TRIM46: variants seen among roughly 807,000 people sequenced by gnomAD.
The protein encoded by TRIM46 is tripartite motif containing 46.
In TRIM46, 17 loss-of-function variants were observed where a neutral mutation model predicts 69.7. The observed-to-expected ratio is 0.24, with a 90% CI of 0.17 to 0.37. The LOEUF (loss-of-function observed/expected upper bound fraction) is 0.37. Ranked by LOEUF, TRIM46 falls within the 10% of genes least tolerant of loss-of-function variation. The pLI is 1.00. For missense variants in TRIM46, 675 were observed against 1,025.1 expected, an observed-to-expected ratio of 0.66 and a Z score of 4.66; for synonymous variants, 391 against 429.0, an observed-to-expected ratio of 0.91 and a Z score of 1.09.
chr1:155,181,725 C>G lies in TRIM46; in HGVS notation c.1589-127C>G. 1 of 1,020,644 alleles carries G rather than the reference C, an allele frequency of 9.8e-7. No homozygotes were observed. Among genetic ancestry groups the G allele is most frequent in the South Asian group, 1.6e-5 (1 of 64,374 alleles). 63.2% of individuals were successfully genotyped at this position (1,020,644 alleles called of 1,614,324 possible). On this transcript the variant is annotated intron_variant, in intron 8 of 9. Transcript: ENST00000334634. The surrounding 1 kb of genome is among the most constrained non-coding windows in gnomAD (Gnocchi z 4.3). The stretch of plus-strand genomic sequence containing the variant: ...GTTTCCCATGTCCTGTTCTCCTGAA[C>G]CCCCTGCCTGTTCCTGGTGACTGAA...
At position 155,178,177 on chromosome 1, in the gene TRIM46, T is replaced by C; in HGVS notation, c.1085T>C (p.Leu362Pro). 6.2e-7 allele frequency: 1 copy of C among 1,614,040 alleles called. No individual in the cohort carries two copies. The stretch of plus-strand genomic sequence containing the variant: ...CGGAGCCTGCTGGATGGCTCAGGTC[T>C]GGTGGGCTATGCCCAGGAAGTACTT... ...EHRSLLDGSG[L>P]VGYAQEVLKE... The change falls in exon 6 of 10, where the codon CTG (leucine) becomes CCG (proline). Residue 362 changes from leucine (L) to proline (P), a missense_variant. Around this residue, in one of 5 missense-constraint regions of TRIM46, gnomAD observed 361 missense variants for 498.3 expected, o/e 0.72. Coordinates refer to ENST00000334634, the MANE Select transcript of TRIM46 (RefSeq NM_025058.5).
intron 4 of TRIM46, 26 bp downstream of exon 4, chr1:155,177,101 A>G (rs1280385744): frequency 1.9e-6 from 3 of 1,612,796 alleles, no homozygotes; most frequent in Non-Finnish European, 2.5e-6. Flanking sequence ...ATCCAACCCT[A>G]GTGCTAACTC....
chr1:155,178,092 G>T lies in TRIM46; in HGVS notation c.1000G>T (p.Ala334Ser). Residue 334 changes from alanine (A) to serine (S), a missense_variant, in exon 6 of 10, where the codon GCC becomes TCC. Ala to Ser is a moderately conservative substitution (Grantham distance 99). Around this residue, in one of 5 missense-constraint regions of TRIM46, gnomAD observed 361 missense variants for 498.3 expected, o/e 0.72. Coordinates refer to ENST00000334634, the MANE Select transcript of TRIM46 (RefSeq NM_025058.5). Reference protein sequence around the residue: ...LEEKRASLLQAIEECQQERLA... With the variant: ...LEEKRASLLQSIEECQQERLA... ...GGAGAAGCGGGCATCACTGCTTCAG[G>T]CCATTGAAGAATGCCAGCAGGAGCG... is the stretch of plus-strand genomic sequence containing the variant. The T allele has an allele frequency of 6.2e-7, 1 of 1,614,144 alleles. No individual in the cohort carries two copies. The highest frequency in any genetic ancestry group is 1.7e-4 in the Middle Eastern group (1 of 6,030).
At position 155,181,799 on chromosome 1, in the gene TRIM46, C is replaced by T. The variant is rs1352677763; in HGVS notation, c.1589-53C>T. ...TCTGCAGTCTCACAGCCCCCAGTGC[C>T]AGTGTTTGTCCCTGAAGTTCTTGCT... On this transcript the variant is annotated intron_variant, in intron 8 of 9. Transcript: ENST00000334634. The surrounding 1 kb of genome is among the most constrained non-coding windows in gnomAD (Gnocchi z 4.3). The T allele has an allele frequency of 6.4e-7, 1 of 1,562,894 alleles. No individual in the cohort carries two copies. The highest frequency in any genetic ancestry group is 2.3e-5 in the East Asian group (1 of 44,282).
rs753022255 is a variant in TRIM46, at chr1:155,184,134, G to C, written c.2224G>C (p.Val742Leu). The change falls in exon 10 of 10, where the codon GTG becomes CTG. Residue 742 changes from valine to leucine, a missense_variant. Val to Leu is a conservative substitution (Grantham distance 32). Around this residue, in one of 5 missense-constraint regions of TRIM46, gnomAD observed 108 missense variants for 153.0 expected, o/e 0.71. Transcript: ENST00000334634. This position sits in a 1 kb window ranked among gnomAD's most constrained non-coding sequence, Gnocchi z 5.6. ...TGGCGCAGTACAGCTCCAGGAGCCAGTGGGCACTAAGCCTGAGAGGAAAGT... is the reference window on the plus strand; with the variant it reads ...TGGCGCAGTACAGCTCCAGGAGCCACTGGGCACTAAGCCTGAGAGGAAAGT... ...GGGAVQLQEP[V>L]GTKPERKVTI... is the part of the protein sequence containing the mutation. 3 of 1,613,714 alleles carry C rather than the reference G, an allele frequency of 1.9e-6. No homozygotes were observed. The African/African-American group carries it at 4.0e-5, about 22-fold the overall frequency.
rs1557810888 is a variant in TRIM46, at chr1:155,177,186, C to T, written c.814-9C>T. 6.2e-7 allele frequency: 1 copy of T among 1,614,134 alleles called. No individual in the cohort carries two copies. The highest frequency in any genetic ancestry group is 1.1e-5 in the South Asian group (1 of 91,074). ...TGGGCTTGATGCCCACCTCTTTCTTCCCCCTCAGGACAAGCTGACAAAGAG... is the reference window on the plus strand; with the variant it reads ...TGGGCTTGATGCCCACCTCTTTCTTTCCCCTCAGGACAAGCTGACAAAGAG... On this transcript the variant is annotated splice_polypyrimidine_tract_variant and intron_variant, in intron 4 of 9. Coordinates refer to ENST00000334634, the MANE Select transcript of TRIM46 (RefSeq NM_025058.5).
At position 155,176,962 on chromosome 1, in the gene TRIM46, G is replaced by A. The variant is rs199568891; in HGVS notation, c.700G>A (p.Val234Met). Residue 234 changes from valine (V) to methionine (M), a missense_variant, in exon 4 of 10, where the codon GTG (valine) becomes ATG (methionine). Val to Met is a conservative substitution (Grantham distance 21). This residue lies in a region of TRIM46 where 361 missense variants were observed against 498.3 expected (regional missense o/e 0.72). Coordinates refer to ENST00000334634, the MANE Select transcript of TRIM46 (RefSeq NM_025058.5). ...GLMCPDHKEE[V>M]THYCKTCQRL... ...TATGTGCCCAGACCACAAGGAAGAG[G>A]TGACCCACTACTGCAAGACATGCCA... is the stretch of plus-strand genomic sequence containing the variant. 4.6e-5 allele frequency: 74 copies of A among 1,614,206 alleles called. No individual in the cohort carries two copies. The highest frequency in any genetic ancestry group is 5.9e-5 in the Non-Finnish European group (70 of 1,180,024).
intron 7 of TRIM46, among the ~76,000 whole-genome samples, chr1:155,179,295 C>G (rs1327775058): frequency 6.6e-6 from 1 of 152,166 alleles, no homozygotes; most frequent in Non-Finnish European, 1.5e-5. Context: ...TGCAAGGGCC[C>G]CCAGAACTTA....
rs778420607 is a variant in TRIM46, at chr1:155,184,154, G to A, written c.2244G>A (p.Arg748=). 8.1e-6 allele frequency: 13 copies of A among 1,613,274 alleles called. No homozygotes were observed. The highest frequency in any genetic ancestry group is 1.1e-5 in the Non-Finnish European group (13 of 1,179,802). Residue 748 remains arginine, a synonymous_variant, in exon 10 of 10, where the codon AGG becomes AGA. Coordinates refer to ENST00000334634, the MANE Select transcript of TRIM46 (RefSeq NM_025058.5). The surrounding 1 kb of genome is among the most constrained non-coding windows in gnomAD (Gnocchi z 5.6). ...AGCCAGTGGGCACTAAGCCTGAGAG[G>A]AAAGTCACCATTGGGGGCTTCGCCA... The part of the protein sequence containing the change: ...LQEPVGTKPE[R]KVTIGGFAKL...
chr1:155,179,156 G>A (rs1215516809), intron 7 of TRIM46, among the ~76,000 whole-genome samples: 2 of 151,982 alleles, frequency 1.3e-5, no homozygotes, highest in Non-Finnish European at 2.9e-5. Context: ...TTTCCACCTC[G>A]CTGCCTCCTA....
intron 7 of TRIM46, 126 bp downstream of exon 7, chr1:155,178,739 T>TGCCCCCCCCCCCCC: frequency 1.5e-6 from 2 of 1,348,468 alleles, no homozygotes; most frequent in African/African-American, 1.5e-5. Context: ...CAGCCATTCC[T>TGCCCCCCCCCCCCC]CCCACCCAGC....
At position 155,178,271 on chromosome 1, in the gene TRIM46, G is replaced by A. The variant is rs202214814; in HGVS notation, c.1163+16G>A. 4.4e-6 allele frequency: 7 copies of A among 1,582,356 alleles called. No homozygotes were observed. The highest frequency in any genetic ancestry group is 6.0e-6 in the Non-Finnish European group (7 of 1,161,792). Reference sequence around the variant, plus strand: ...TGCACAACAGGTACTCAGGGGCATGGGCTCCTAGGGGGGCAGGGACATCAT... The same window carrying A: ...TGCACAACAGGTACTCAGGGGCATGAGCTCCTAGGGGGGCAGGGACATCAT... On this transcript the variant is annotated intron_variant, in intron 6 of 9. Coordinates refer to ENST00000334634, the MANE Select transcript of TRIM46 (RefSeq NM_025058.5).
intron 9 of TRIM46, among the ~76,000 whole-genome samples, chr1:155,183,145 C>A (rs1463757515): frequency 6.6e-6 from 1 of 151,910 alleles, no homozygotes; most frequent in Non-Finnish European, 1.5e-5. Flanking sequence ...CTCCTGACCT[C>A]GTGATCCGCC....
At chr1:155,178,768 C>G in intron 7 of TRIM46, 155 bp downstream of exon 7, 1 of 1,518,796 alleles carries the variant, frequency 6.6e-7, no homozygotes, top group Non-Finnish European at 8.8e-7. Flanking sequence ...CCACACCGTC[C>G]TACCGCGCTC....
At position 155,183,824 on chromosome 1, in the gene TRIM46, C is replaced by T. The variant is rs750521565; in HGVS notation, c.1914C>T (p.Ser638=). The stretch of plus-strand genomic sequence containing the variant: ...ACGACCCGGACAGCGGGCACGACAG[C>T]GGTGCCGAGGATGCCACAGTGGAGG... ...PRYDPDSGHD[S]GAEDATVEAS... is the part of the protein sequence containing the mutation. The change falls in exon 10 of 10, where the codon AGC becomes AGT. Residue 638 remains serine, a synonymous_variant. Transcript: ENST00000334634. The T allele has an allele frequency of 2.4e-5, 38 of 1,606,974 alleles. No homozygotes were observed. The highest frequency in any genetic ancestry group is 1.2e-4 in the African/African-American group (9 of 74,882).
Position 155,174,044 on chromosome 1 carries a change from G to A in TRIM46, c.63+15G>A, listed in dbSNP as rs1033901625. Reference sequence around the variant, plus strand: ...TCCGCATCAGTGTGAGTTAAGGTGGGGTCGAGGGAAGGGGAGGGGGCGTAT... The same window carrying A: ...TCCGCATCAGTGTGAGTTAAGGTGGAGTCGAGGGAAGGGGAGGGGGCGTAT... On this transcript the variant is annotated intron_variant, in intron 1 of 9. Transcript: ENST00000334634. The A allele has an allele frequency of 2.6e-6, 4 of 1,557,398 alleles. No individual in the cohort carries two copies. The highest frequency in any genetic ancestry group is 3.5e-6 in the Non-Finnish European group (4 of 1,150,760).
At chr1:155,183,077 AT>A (rs1304130547) in intron 9 of TRIM46, among the ~76,000 whole-genome samples, 4 of 151,454 alleles carry the variant, frequency 2.6e-5, no homozygotes, top group Non-Finnish European at 5.9e-5. Flanking sequence ...TGCCCAGCTA[AT>A]TTTTTGTATT....
Position 155,183,902 on chromosome 1 carries a change from G to A in TRIM46, c.1992G>A (p.Gly664=). 1 of 1,613,684 alleles carries A rather than the reference G, an allele frequency of 6.2e-7. No homozygotes were observed. The change falls in exon 10 of 10, where the codon GGG becomes GGA. Residue 664 remains glycine, a synonymous_variant. Coordinates refer to ENST00000334634, the MANE Select transcript of TRIM46 (RefSeq NM_025058.5). ...LTIGMGKILL[G]SGASSNAGLT... ...TTGGCATGGGCAAGATCCTGCTGGGGTCGGGGGCAAGCTCAAACGCAGGGC... is the reference window on the plus strand; with the variant it reads ...TTGGCATGGGCAAGATCCTGCTGGGATCGGGGGCAAGCTCAAACGCAGGGC...
At position 155,181,823 on chromosome 1, in the gene TRIM46, C is replaced by T; in HGVS notation, c.1589-29C>T. Reference sequence around the variant, plus strand: ...CCAGTGTTTGTCCCTGAAGTTCTTGCTCCATCTCAACCCTCTCCCTCCTTC... The same window carrying T: ...CCAGTGTTTGTCCCTGAAGTTCTTGTTCCATCTCAACCCTCTCCCTCCTTC... On this transcript the variant is annotated intron_variant, in intron 8 of 9. Coordinates refer to ENST00000334634, the MANE Select transcript of TRIM46 (RefSeq NM_025058.5). This position sits in a 1 kb window ranked among gnomAD's most constrained non-coding sequence, Gnocchi z 4.3. The T allele has an allele frequency of 6.3e-7, 1 of 1,587,550 alleles. No homozygotes were observed. The highest frequency in any genetic ancestry group is 8.6e-7 in the Non-Finnish European group (1 of 1,162,612).
Sources: gnomAD v4.1 joint callset for allele counts (sites outside exome capture counted in the v4.1 genomes callset) on GRCh38, gnomAD v4.1.1 for gene constraint, gnomAD v4.1.1 regional missense constraint, Gnocchi (gnomAD v3.1) non-coding constraint, MANE v1.5 for transcripts, NCBI Gene and HGNC (gene_info 2026-07-23, HGNC 2026-07-21) for gene names.